Variants in EEFSEC observed in about 807,000 individuals in gnomAD.
EEFSEC encodes selenocysteine-specific elongation factor.
EEFSEC carries 43 observed loss-of-function variants against 42.1 expected under a neutral mutation model. The observed-to-expected ratio is 1.02, with a 90% confidence interval of 0.80 to 1.32. The LOEUF is 1.32. Ranked by LOEUF, EEFSEC falls within the 40% of genes most tolerant of loss-of-function variation. The pLI is 0.00. For synonymous variants in EEFSEC, 354 were observed against 339.1 expected (o/e 1.04, Z -0.48); for missense variants, 745 against 803.6 (o/e 0.93, Z 0.88).
At chr3:128,198,870 C>T (rs759896403) in intron 1 of EEFSEC, among the ~76,000 whole-genome samples, 1 of 151,176 alleles carries the variant, frequency 6.6e-6, no homozygotes, top group Non-Finnish European at 1.5e-5. Context: ...CTCACCCTGT[C>T]GCCCATGCTG....
chr3:128,251,476 A>C (rs1379817727), intron 2 of EEFSEC, among the ~76,000 whole-genome samples: 1 of 152,236 alleles, frequency 6.6e-6, no homozygotes, highest in African/African-American at 2.4e-5. Context: ...ACTATACTTG[A>C]AACTTAGTAG....
chr3:128,265,628 AGTGGAG>A (rs1262798950), intron 4 of EEFSEC, among the ~76,000 whole-genome samples: 3 of 152,178 alleles, frequency 2.0e-5, no homozygotes, highest in Non-Finnish European at 4.4e-5. Context: ...AGTGCAGGGA[AGTGGAG>A]GTGCTCAGCC....
chr3:128,360,000 AG>A (rs1398809704), intron 6 of EEFSEC, among the ~76,000 whole-genome samples: 1 of 152,206 alleles, frequency 6.6e-6, no homozygotes, highest in East Asian at 1.9e-4. Context: ...CTCATGAGCA[AG>A]GGCAATGGTC....
At chr3:128,226,766 A>C (rs2065911856) in intron 1 of EEFSEC, among the ~76,000 whole-genome samples, 1 of 152,238 alleles carries the variant, frequency 6.6e-6, no homozygotes. Context: ...TCTGAAGTTC[A>C]GAACCCAGCC....
At chr3:128,153,937 G>A in intron 1 of EEFSEC, 114 bp downstream of exon 1, 1 of 1,378,710 alleles carries the variant, frequency 7.3e-7, no homozygotes, top group Non-Finnish European at 9.4e-7. Context: ...CACCTCATTG[G>A]TGGGGCTCCT....
chr3:128,291,879 G>A (rs530680858), intron 4 of EEFSEC, among the ~76,000 whole-genome samples: 2 of 152,230 alleles, frequency 1.3e-5, no homozygotes, highest in South Asian at 2.1e-4. Context: ...GGGGCAAAAT[G>A]TTTATACTAT....
chr3:128,262,865 C>T (rs111935953), intron 3 of EEFSEC, among the ~76,000 whole-genome samples: 39 of 152,306 alleles, frequency 2.6e-4, no homozygotes, highest in African/African-American at 8.4e-4. Flanking sequence ...AATGGAGCCA[C>T]AGAGTTCCTC....
chr3:128,418,291 G>T, the EEFSEC span, among the ~76,000 whole-genome samples: 1 of 152,028 alleles, frequency 6.6e-6, no homozygotes, highest in African/African-American at 2.4e-5. Context: ...CCCAGATGCA[G>T]TGTCTCTGCC....
chr3:128,175,180 T>C (rs1559854753), intron 1 of EEFSEC, among the ~76,000 whole-genome samples: 1 of 150,060 alleles, frequency 6.7e-6, no homozygotes. Context: ...CTAGTACTGC[T>C]GCAAACCCCC....
chr3:128,226,790 A>T (rs2065912065), intron 1 of EEFSEC, among the ~76,000 whole-genome samples: 1 of 152,240 alleles, frequency 6.6e-6, no homozygotes, highest in Admixed American at 6.5e-5. Context: ...GGACAGCCAT[A>T]CAGAATGTAA....
intron 4 of EEFSEC, among the ~76,000 whole-genome samples, chr3:128,331,448 C>T (rs749716356): frequency 5.6e-5 from 8 of 142,164 alleles, no homozygotes; most frequent in Non-Finnish European, 7.7e-5. Context: ...AGGCATCTCC[C>T]CTCTTCCCTC....
chr3:128,377,854 C>T (rs978223781), intron 6 of EEFSEC, among the ~76,000 whole-genome samples: 2 of 152,232 alleles, frequency 1.3e-5, no homozygotes, highest in Non-Finnish European at 2.9e-5. Flanking sequence ...GGTGTCTGTT[C>T]TCTACCCCTC....
intron 2 of EEFSEC, among the ~76,000 whole-genome samples, chr3:128,255,628 A>T (rs2066234188): frequency 6.6e-6 from 1 of 152,240 alleles, no homozygotes; most frequent in African/African-American, 2.4e-5. Flanking sequence ...AAAGGGAAGG[A>T]GACAGAAGTG....
intron 4 of EEFSEC, among the ~76,000 whole-genome samples, chr3:128,319,571 A>G (rs2066985047): frequency 1.3e-5 from 2 of 152,194 alleles, no homozygotes; most frequent in Non-Finnish European, 2.9e-5. Flanking sequence ...AGCTTCTGAA[A>G]GTCATCTCAA....
chr3:128,276,188 A>AG (rs1313183705), intron 4 of EEFSEC, among the ~76,000 whole-genome samples: 1 of 152,178 alleles, frequency 6.6e-6, no homozygotes, highest in African/African-American at 2.4e-5. Context: ...TGACAGTGGA[A>AG]GTCAGGGCTG....
chr3:128,414,106 C>T, the EEFSEC span, among the ~76,000 whole-genome samples: 4 of 152,240 alleles, frequency 2.6e-5, no homozygotes, highest in Admixed American at 2.6e-4. Flanking sequence ...CTGCCTCCCG[C>T]CAACGTCTAG....
At chr3:128,412,271 C>G (rs116716232), downstream of EEFSEC, among the ~76,000 whole-genome samples, 604 of 152,364 alleles carry the variant, frequency 4.0e-3, 3 homozygotes, top group African/African-American at 0.013. Context: ...CAGGGCCAGA[C>G]CCCTGTCTGG....
chr3:128,213,879 A>C (rs2065783913), intron 1 of EEFSEC, among the ~76,000 whole-genome samples: 1 of 152,238 alleles, frequency 6.6e-6, no homozygotes, highest in Non-Finnish European at 1.5e-5. Context: ...AGACTCTCCA[A>C]GAATGTCAAA....
chr3:128,217,665 C>A (rs1056407467), intron 1 of EEFSEC, among the ~76,000 whole-genome samples: 1 of 152,160 alleles, frequency 6.6e-6, no homozygotes, highest in Non-Finnish European at 1.5e-5. Flanking sequence ...TACACGAGCA[C>A]CTGGGGCATA....
Sources: gnomAD v4.1 joint callset for allele counts (sites outside exome capture counted in the v4.1 genomes callset) on GRCh38, gnomAD v4.1.1 for gene constraint, MANE v1.5 for transcripts, NCBI Gene and HGNC (gene_info 2026-07-23, HGNC 2026-07-21) for gene names.